IMMP2L: variants seen among roughly 807,000 people sequenced by gnomAD.
The protein encoded by IMMP2L is mitochondrial inner membrane protease subunit 2.
In IMMP2L, 18 loss-of-function variants were observed where a neutral mutation model predicts 19.3. That is an observed-to-expected ratio of 0.93 (90% CI 0.64 to 1.38). IMMP2L has a LOEUF of 1.38. Ranked by LOEUF, IMMP2L falls within the 40% of genes most tolerant of loss-of-function variation. The pLI, the probability that IMMP2L is intolerant of heterozygous loss-of-function variation, is 0.00. For synonymous variants in IMMP2L, 76 were observed against 73.0 expected (o/e 1.04, Z -0.21); for missense variants, 233 against 218.2 (o/e 1.07, Z -0.43).
At chr7:110,839,268 T>C (rs1804809608) in intron 5 of IMMP2L, among the ~76,000 whole-genome samples, 1 of 152,076 alleles carries the variant, frequency 6.6e-6, no homozygotes, top group South Asian at 2.1e-4. Context: ...TGAATGAACA[T>C]TAGTAGAAAC....
intron 5 of IMMP2L, among the ~76,000 whole-genome samples, chr7:110,677,576 G>A (rs1757393564): frequency 6.6e-6 from 1 of 152,106 alleles, no homozygotes; most frequent in Non-Finnish European, 1.5e-5. Context: ...TTCCACGTAA[G>A]CACTGACTGA....
intron 4 of IMMP2L, among the ~76,000 whole-genome samples, chr7:110,907,980 C>T (rs922876305): frequency 4.6e-5 from 7 of 152,120 alleles, no homozygotes; most frequent in Admixed American, 2.6e-4. Context: ...TGCTGCTTGG[C>T]TGGATATGTC....
chr7:111,016,559 A>T (rs1428273364), intron 3 of IMMP2L, among the ~76,000 whole-genome samples: 1 of 118,770 alleles, frequency 8.4e-6, no homozygotes, highest in Non-Finnish European at 1.6e-5. Context: ...TAGTATATAT[A>T]ATATATAATA....
At chr7:110,863,075 T>G (rs1345392038) in intron 5 of IMMP2L, among the ~76,000 whole-genome samples, 1 of 152,134 alleles carries the variant, frequency 6.6e-6, no homozygotes, top group Non-Finnish European at 1.5e-5. Flanking sequence ...CCTTTTTCTC[T>G]GACCTGAGTC....
rs145872536 is a variant in IMMP2L at position 111,243,251 on chromosome 7, T to C, written c.239+243987A>G. Among the ~76,000 whole-genome samples, 134 of 152,084 alleles carry C rather than the reference T, an allele frequency of 8.8e-4. 1 individual carries two copies. Among genetic ancestry groups the C allele is most frequent in the African/African-American group, 3.0e-3 (124 of 41,524 alleles). ...TTATTATATATTGAATTATAAAATA[T>C]TTATTATGCTAAAAGAGTTCTCAAT... On this transcript the variant is annotated intron_variant, in intron 3 of 5. Coordinates refer to ENST00000405709, the MANE Select transcript of IMMP2L (RefSeq NM_032549.4).
chr7:111,533,221 G>A (rs1007198745), intron 1 of IMMP2L, among the ~76,000 whole-genome samples: 2 of 152,092 alleles, frequency 1.3e-5, no homozygotes, highest in South Asian at 2.1e-4. Flanking sequence ...GTATTATAAC[G>A]AGCCTGTGGT....
chr7:111,102,448 TG>T (rs1338508137), intron 3 of IMMP2L, among the ~76,000 whole-genome samples: 9 of 151,612 alleles, frequency 5.9e-5, no homozygotes. Context: ...GTTTTCAAGA[TG>T]TCTCTTTAGA....
At chr7:111,456,079 A>G (rs1195083051) in intron 3 of IMMP2L, among the ~76,000 whole-genome samples, 1 of 151,666 alleles carries the variant, frequency 6.6e-6, no homozygotes, top group Non-Finnish European at 1.5e-5. Flanking sequence ...TAGTAACACT[A>G]GAATAATCCA....
At chr7:111,011,850 A>G (rs1313369558) in intron 3 of IMMP2L, among the ~76,000 whole-genome samples, 2 of 152,190 alleles carry the variant, frequency 1.3e-5, no homozygotes, top group South Asian at 2.1e-4. Flanking sequence ...GCCCTAAGCT[A>G]GAAATTGCTA....
chr7:110,861,319 C>T (rs996413577), intron 5 of IMMP2L, among the ~76,000 whole-genome samples: 2 of 151,932 alleles, frequency 1.3e-5, no homozygotes, highest in African/African-American at 4.8e-5. Context: ...GTCGGCTGCA[C>T]TCAGGCTAGA....
chr7:111,437,192 T>A (rs1837263068), intron 3 of IMMP2L, among the ~76,000 whole-genome samples: 1 of 151,884 alleles, frequency 6.6e-6, no homozygotes, highest in Admixed American at 6.5e-5. Context: ...GTGCCTGTAA[T>A]CCCAGCACTT....
intron 3 of IMMP2L, among the ~76,000 whole-genome samples, chr7:111,360,338 G>A (rs190935114): frequency 4.5e-4 from 68 of 152,244 alleles, no homozygotes; most frequent in African/African-American, 1.6e-3. Context: ...ACGCCACTCT[G>A]ATGGTCCCCA....
intron 2 of IMMP2L, among the ~76,000 whole-genome samples, chr7:111,488,930 T>C (rs1842871653): frequency 6.6e-6 from 1 of 152,144 alleles, no homozygotes; most frequent in Non-Finnish European, 1.5e-5. Context: ...ATTGTGGTTT[T>C]GATTTGCACT....
chr7:111,439,735 G>A (rs1474960128), intron 3 of IMMP2L, among the ~76,000 whole-genome samples: 2 of 151,864 alleles, frequency 1.3e-5, no homozygotes, highest in East Asian at 3.9e-4. Context: ...ACAAGACAAT[G>A]AAGCTTGCTG....
At chr7:111,447,765 G>A (rs953002010) in intron 3 of IMMP2L, among the ~76,000 whole-genome samples, 5 of 151,774 alleles carry the variant, frequency 3.3e-5, no homozygotes, top group East Asian at 1.9e-4. Flanking sequence ...AGACTGGCAA[G>A]TTGGATAAAG....
At chr7:111,121,634 G>A (rs1273795273) in intron 3 of IMMP2L, among the ~76,000 whole-genome samples, 7 of 152,132 alleles carry the variant, frequency 4.6e-5, no homozygotes, top group Non-Finnish European at 8.8e-5. Context: ...TGTTGGTGGG[G>A]CTGTAAACTA....
intron 3 of IMMP2L, among the ~76,000 whole-genome samples, chr7:111,113,313 A>C (rs572252493): frequency 3.9e-5 from 6 of 152,204 alleles, no homozygotes; most frequent in Non-Finnish European, 8.8e-5. Context: ...CTTTTACAGC[A>C]TATCTATGCT....
chr7:111,335,952 G>T (rs902570672), intron 3 of IMMP2L, among the ~76,000 whole-genome samples: 2 of 152,018 alleles, frequency 1.3e-5, no homozygotes, highest in Non-Finnish European at 2.9e-5. Flanking sequence ...GCTAAAAAGG[G>T]TAAGAACGTT....
intron 5 of IMMP2L, among the ~76,000 whole-genome samples, chr7:110,683,315 T>A (rs1792865059): frequency 6.6e-6 from 1 of 152,216 alleles, no homozygotes; most frequent in South Asian, 2.1e-4. Flanking sequence ...TATGAACATT[T>A]TGCTTTCAGA....
Sources: gnomAD v4.1 joint callset for allele counts (sites outside exome capture counted in the v4.1 genomes callset) on GRCh38, gnomAD v4.1.1 for gene constraint, MANE v1.5 for transcripts, NCBI Gene and HGNC (gene_info 2026-07-23, HGNC 2026-07-21) for gene names.